The following IDS variants were observed in gnomAD, a reference collection of about 807,000 sequenced individuals.
The protein encoded by IDS is iduronate 2-sulfatase.
A neutral mutation model predicts 33.5 loss-of-function variants in IDS; 1 was observed. The observed-to-expected ratio is 0.03, with a 90% CI of 0.01 to 0.14. The LOEUF is 0.14. Among genes scored for constraint, IDS ranks in the 10% least tolerant of loss-of-function variants. The probability of loss-of-function intolerance (pLI) is 1.00; values close to 1 mark genes in which losing one functional copy is unlikely to be tolerated. For synonymous variants in IDS, 191 were observed against 184.4 expected, an observed-to-expected ratio of 1.04 and a Z score of -0.29; for missense variants, 328 against 448.0, an observed-to-expected ratio of 0.73 and a Z score of 2.42.
chrX:149,505,262 CCGCCGCCCGGGCCCGCAGGCCCGGG>C lies in IDS; in HGVS notation c.-150_-126del. ...AACCCATGAAGACTGCGCAACACAGCCGCCGCCCGGGCCCGCAGGCCCGGGCGCTGGCCGCAGCGCGAGTGCGTCC... is the reference window on the plus strand; with the variant it reads ...AACCCATGAAGACTGCGCAACACAGCCGCTGGCCGCAGCGCGAGTGCGTCC... On this transcript the variant is annotated 5_prime_UTR_variant, in exon 1 of 9. Coordinates refer to ENST00000340855, the MANE Select transcript of IDS (RefSeq NM_000202.8). 2.7e-6 allele frequency: 1 copy of C among 372,838 alleles called. No individual in the cohort carries two copies. Among genetic ancestry groups the C allele is most frequent in the South Asian group, 1.0e-4 (1 of 9,687 alleles). 30.7% of individuals were successfully genotyped at this position (372,838 alleles called of 1,213,427 possible).
At chrX:149,504,909 G>A (rs1357920642) in intron 1 of IDS, 126 bp downstream of exon 1, 3 of 491,823 alleles carry the variant, frequency 6.1e-6, no homozygotes, top group Admixed American at 6.4e-5. Flanking sequence ...ATGGATGAAA[G>A]AAGGAATGGT....
At chrX:149,488,452 C>T (rs1470844094) in intron 7 of IDS, among the ~76,000 whole-genome samples, 4 of 110,842 alleles carry the variant, frequency 3.6e-5, no homozygotes, top group Non-Finnish European at 7.6e-5. Flanking sequence ...GTGAGGGAAC[C>T]TGGCAGTGCG....
At position 149,478,193 on chromosome X, in the gene IDS, A is replaced by G. The variant is rs1470945094; in HGVS notation, c.*4553T>C. The G allele has an allele frequency of 6.2e-5, 7 of 112,326 alleles. 1 individual carries two copies. The highest frequency in any genetic ancestry group is 2.3e-4 in the African/African-American group (7 of 30,875). 9.3% of individuals were successfully genotyped at this position (112,326 alleles called of 1,213,427 possible). On this transcript the variant is annotated 3_prime_UTR_variant, in exon 9 of 9. Coordinates refer to ENST00000340855, the MANE Select transcript of IDS (RefSeq NM_000202.8). ...TCTGTAGCTAGGGTGAGGCTGCTCC[A>G]GAGTCACTTGGTTACCTCCCAGCAC...
intron 6 of IDS, among the ~76,000 whole-genome samples, chrX:149,493,313 G>C (rs1411741682): frequency 8.9e-6 from 1 of 112,199 alleles, no homozygotes; most frequent in Admixed American, 9.4e-5. Context: ...AAGTGACACA[G>C]AGCTCAAGGA....
intron 6 of IDS, among the ~76,000 whole-genome samples, chrX:149,494,739 T>C (rs1415185000): frequency 8.9e-6 from 1 of 112,177 alleles, no homozygotes; most frequent in Non-Finnish European, 1.9e-5. Context: ...ACATGCTCTC[T>C]TTGGTTCTTG....
chrX:149,490,098 C>T (rs2089376110), intron 7 of IDS, among the ~76,000 whole-genome samples: 2 of 103,417 alleles, frequency 1.9e-5, no homozygotes, highest in Admixed American at 1.0e-4. Flanking sequence ...GCAAGACCCT[C>T]CCCCACCCAC....
chrX:149,496,261 G>C, intron 6 of IDS, 85 bp downstream of exon 6: 2 of 880,267 alleles, frequency 2.3e-6, no homozygotes, highest in Non-Finnish European at 3.4e-6. Context: ...ATTATAGGTG[G>C]AGTTGTGTCT....
Position 149,483,004 on chromosome X carries a change from C to G in IDS, c.1395G>C (p.Gln465His). The G allele has an allele frequency of 8.3e-7, 1 of 1,211,313 alleles. No homozygotes were observed. The highest frequency in any genetic ancestry group is 1.1e-6 in the Non-Finnish European group (1 of 894,924). ...GAGGGATGTCTGAAGGCCGGGGATA[C>G]TGGCTATAGGCAATCAGTTCACGGG... ...GNPRELIAYS[Q>H]YPRPSDIPQW... The change falls in exon 9 of 9, where the codon CAG (glutamine) becomes CAC (histidine). Residue 465 changes from glutamine (Q) to histidine (H), a missense_variant. Transcript: ENST00000340855.
chrX:149,477,100 A>G lies in IDS; in HGVS notation c.*5646T>C, dbSNP rs2089271101. 1 of 112,671 alleles carries G rather than the reference A, an allele frequency of 8.9e-6. No homozygotes were observed. Among genetic ancestry groups the G allele is most frequent in the South Asian group, 3.6e-4 (1 of 2,747 alleles). The allele number at this position is 112,671 out of a possible 1,213,427, so 9.3% of individuals were successfully genotyped here. A position where few individuals can be genotyped will look rare whatever the true frequency, so the allele number is the denominator to read the frequency against. On this transcript the variant is annotated 3_prime_UTR_variant, in exon 9 of 9. Transcript: ENST00000340855. The stretch of plus-strand genomic sequence containing the variant: ...GTGAATTCATAAAAGCTGTAAGTTA[A>G]TGAGTACTGAATAAAAATCACCTGC...
chrX:149,498,190 A>G lies in IDS; in HGVS notation c.625T>C (p.Leu209=). 4.1e-6 allele frequency: 5 copies of G among 1,211,716 alleles called. No individual in the cohort carries two copies. The highest frequency in any genetic ancestry group is 3.4e-6 in the Non-Finnish European group (3 of 895,317). ...CTGGCTGACGTTTTCATCTTTTCCA[A>G]CAACTGTATGGCTTGCTCAGTGCTC... is the stretch of plus-strand genomic sequence containing the variant. The part of the protein sequence containing the change: ...KQSTEQAIQL[L]EKMKTSASPF... Residue 209 remains leucine, a synonymous_variant, in exon 5 of 9, where the codon TTG becomes CTG. Coordinates refer to ENST00000340855, the MANE Select transcript of IDS (RefSeq NM_000202.8).
In IDS at chrX:149,479,615, G is replaced by C. The variant is rs1174307440; in HGVS notation, c.*3131C>G. 8.9e-6 allele frequency: 1 copy of C among 111,943 alleles called. No individual in the cohort carries two copies. The highest frequency in any genetic ancestry group is 2.8e-4 in the East Asian group (1 of 3,608). The allele number at this position is 111,943 out of a possible 1,213,427, so 9.2% of individuals were successfully genotyped here. On this transcript the variant is annotated 3_prime_UTR_variant, in exon 9 of 9. Coordinates refer to ENST00000340855, the MANE Select transcript of IDS (RefSeq NM_000202.8). ...TAGCCTAAATTTCTAACAATTGAAA[G>C]AAGGTTAAGTAAATTATAAGACTAC...
rs182686429 is a variant in IDS, at chrX:149,481,348, C to G, written c.*1398G>C. On this transcript the variant is annotated 3_prime_UTR_variant, in exon 9 of 9. Coordinates refer to ENST00000340855, the MANE Select transcript of IDS (RefSeq NM_000202.8). ...GTTACCATATAACCTCTATTGTAGG[C>G]TAATTAATTTTTAAAATCTGTCTAA... 8.9e-6 allele frequency: 1 copy of G among 112,337 alleles called. No individual in the cohort carries two copies. The highest frequency in any genetic ancestry group is 2.8e-4 in the East Asian group (1 of 3,601). 9.3% of individuals were successfully genotyped at this position (112,337 alleles called of 1,213,427 possible). A position where few individuals can be genotyped will look rare whatever the true frequency, so the allele number is the denominator to read the frequency against.
Position 149,505,170 on chromosome X carries a change from G to A in IDS, c.-33C>T. ...TCGACGCGGCCGCTTCAGAGCGGCG[G>A]GGACAGGCTGCAGCAGGTGGCGCAG... On this transcript the variant is annotated 5_prime_UTR_variant, in exon 1 of 9. Transcript: ENST00000340855. 1 of 1,074,802 alleles carries A rather than the reference G, an allele frequency of 9.3e-7. No individual in the cohort carries two copies. Among genetic ancestry groups the A allele is most frequent in the Admixed American group, 2.3e-5 (1 of 43,375 alleles). The allele number at this position is 1,074,802 out of a possible 1,213,427, so 88.6% of individuals were successfully genotyped here. A position where few individuals can be genotyped will look rare whatever the true frequency, so the allele number is the denominator to read the frequency against.
chrX:149,483,253 A>G lies in IDS; in HGVS notation c.1181-35T>C, dbSNP rs373373636. Reference sequence around the variant, plus strand: ...GAAGCGACAGAGCAGAATGGGTTACATTATAAAAGCCTGCCATGGCCAGGC... The same window carrying G: ...GAAGCGACAGAGCAGAATGGGTTACGTTATAAAAGCCTGCCATGGCCAGGC... On this transcript the variant is annotated intron_variant, in intron 8 of 8. Transcript: ENST00000340855. The G allele has an allele frequency of 4.3e-5, 47 of 1,101,496 alleles. No individual in the cohort carries two copies. The African/African-American group carries it at 7.8e-4, about 18-fold the overall frequency. 90.8% of individuals were successfully genotyped at this position (1,101,496 alleles called of 1,213,427 possible).
chrX:149,477,139 A>G lies in IDS; in HGVS notation c.*5607T>C, dbSNP rs782481349. 5 of 112,640 alleles carry G rather than the reference A, an allele frequency of 4.4e-5. No homozygotes were observed. Among genetic ancestry groups the G allele is most frequent in the African/African-American group, 9.7e-5 (3 of 30,990 alleles). The allele number at this position is 112,640 out of a possible 1,213,427, so 9.3% of individuals were successfully genotyped here. A position where few individuals can be genotyped will look rare whatever the true frequency, so the allele number is the denominator to read the frequency against. On this transcript the variant is annotated 3_prime_UTR_variant, in exon 9 of 9. Transcript: ENST00000340855. Reference sequence around the variant, plus strand: ...AAAATCACCTGCAAAAGGTTCTTTCAGAAACACACCCAAAACTACAATAAA... The same window carrying G: ...AAAATCACCTGCAAAAGGTTCTTTCGGAAACACACCCAAAACTACAATAAA...
intron 7 of IDS, chrX:149,487,354 A>C: frequency 9.8e-7 from 1 of 1,023,872 alleles, no homozygotes; most frequent in Non-Finnish European, 1.4e-6. Context: ...AAACTCAAAT[A>C]TCTTAACAAA....
chrX:149,484,454 T>A (rs1557337811), intron 8 of IDS, among the ~76,000 whole-genome samples: 1 of 112,382 alleles, frequency 8.9e-6, no homozygotes, highest in Admixed American at 9.4e-5. Context: ...CCTGAGTAGC[T>A]GGGATTACAG....
intron 8 of IDS, among the ~76,000 whole-genome samples, chrX:149,483,612 G>A (rs1303068646): frequency 8.9e-6 from 1 of 112,121 alleles, no homozygotes; most frequent in East Asian, 2.8e-4. Context: ...CTGGATGTCT[G>A]CATTAGAGTT....
chrX:149,503,048 C>G, intron 3 of IDS: 10 of 1,020,568 alleles, frequency 9.8e-6, no homozygotes, highest in Non-Finnish European at 1.3e-5. Context: ...CCTGTGTCCT[C>G]CCTACCACCC....
Sources: gnomAD v4.1 joint callset for allele counts (sites outside exome capture counted in the v4.1 genomes callset) on GRCh38, gnomAD v4.1.1 for gene constraint, MANE v1.5 for transcripts, NCBI Gene and HGNC (gene_info 2026-07-23, HGNC 2026-07-21) for gene names.